The following STX8 variants were observed in gnomAD, a reference collection of about 807,000 sequenced individuals.
The protein encoded by STX8 is syntaxin-8.
A neutral mutation model predicts 37.5 loss-of-function variants in STX8; 23 were observed. That is an observed-to-expected ratio of 0.61 (90% CI 0.44 to 0.87). STX8 has a LOEUF of 0.87. Among genes scored for constraint, STX8 ranks in the 40% least tolerant of loss-of-function variants. STX8 has a pLI of 0.00. For missense variants in STX8, 313 were observed against 284.7 expected (o/e 1.10, Z -0.71); for synonymous variants, 115 against 99.1 (o/e 1.16, Z -0.95).
At chr17:9,364,682 C>G (rs549617116) in intron 7 of STX8, among the ~76,000 whole-genome samples, 1 of 151,992 alleles carries the variant, frequency 6.6e-6, no homozygotes, top group Non-Finnish European at 1.5e-5. Flanking sequence ...AGGTGCCCAC[C>G]ACCACGCTCA....
intron 6 of STX8, among the ~76,000 whole-genome samples, chr17:9,428,902 G>A (rs1913741499): frequency 6.6e-6 from 1 of 152,074 alleles, no homozygotes; most frequent in Admixed American, 6.6e-5. Flanking sequence ...CTATTCAGAG[G>A]CTCTGTTGAT....
intron 4 of STX8, among the ~76,000 whole-genome samples, chr17:9,542,885 C>T (rs918194795): frequency 2.0e-5 from 3 of 152,098 alleles, no homozygotes; most frequent in Non-Finnish European, 4.4e-5. Context: ...GCAAGTCACA[C>T]TGTAAAGGAC....
chr17:9,462,155 T>G (rs923871520), intron 6 of STX8, among the ~76,000 whole-genome samples: 2 of 151,998 alleles, frequency 1.3e-5, no homozygotes, highest in African/African-American at 4.8e-5. Flanking sequence ...GGTTAGAGAA[T>G]CAGGGGAACA....
chr17:9,508,779 G>A (rs568839907), intron 4 of STX8, among the ~76,000 whole-genome samples: 2 of 152,298 alleles, frequency 1.3e-5, no homozygotes, highest in East Asian at 3.9e-4. Context: ...AAAGAGAAAA[G>A]AAGGGCAAAT....
At position 9,263,338 on chromosome 17, in the gene STX8, G is replaced by A. The variant is rs189264902; in HGVS notation, c.644-12693C>T. On this transcript the variant is annotated intron_variant, in intron 7 of 7. Transcript: ENST00000306357. ...ACTAAAAATACAAAAAAATTAGCCG[G>A]GCATGGTGGCACATGCCTGTAATCC... Among the ~76,000 whole-genome samples the A allele has an allele frequency of 3.9e-4, 59 of 152,056 alleles. No homozygotes were observed. In the Middle Eastern group the frequency reaches 0.027, roughly 71 times the overall value.
chr17:9,340,634 T>C (rs1363708589), intron 7 of STX8, among the ~76,000 whole-genome samples: 1 of 145,994 alleles, frequency 6.8e-6, no homozygotes, highest in East Asian at 2.1e-4. Flanking sequence ...CTGTTTCTTA[T>C]CAATGTTGCA....
chr17:9,254,376 CCCT>C (rs1906707380), intron 7 of STX8, among the ~76,000 whole-genome samples: 1 of 152,116 alleles, frequency 6.6e-6, no homozygotes, highest in African/African-American at 2.4e-5. Flanking sequence ...CTCTTTGCCC[CCCT>C]AAGTTTCCAT....
chr17:9,557,354 G>T, intron 3 of STX8, 80 bp downstream of exon 3: 2 of 1,210,956 alleles, frequency 1.7e-6, no homozygotes. Context: ...AATCTGGGTG[G>T]CCCAGATTCC....
intron 6 of STX8, among the ~76,000 whole-genome samples, chr17:9,454,076 T>C (rs1905119161): frequency 1.3e-5 from 2 of 152,372 alleles, no homozygotes; most frequent in East Asian, 1.9e-4. Flanking sequence ...TTCTACATTA[T>C]ATATACATCA....
At chr17:9,446,712 A>G (rs541716490) in intron 6 of STX8, among the ~76,000 whole-genome samples, 1 of 152,344 alleles carries the variant, frequency 6.6e-6, no homozygotes, top group Admixed American at 6.5e-5. Flanking sequence ...TTCAGTGAAA[A>G]GGTTTGAGAT....
chr17:9,379,273 G>A (rs949799505), intron 6 of STX8, among the ~76,000 whole-genome samples: 5 of 149,388 alleles, frequency 3.3e-5, no homozygotes, highest in African/African-American at 4.9e-5. Context: ...AGGAACAGAC[G>A]GCACAGTAGA....
intron 7 of STX8, among the ~76,000 whole-genome samples, chr17:9,340,908 C>T (rs536061957): frequency 4.9e-3 from 729 of 149,878 alleles, no homozygotes; most frequent in Non-Finnish European, 8.0e-3. Flanking sequence ...CTGCCTGCCT[C>T]GGCCTCTCAA....
At chr17:9,369,886 CAAAAAAAAAAAAAA>C (rs60178482) in intron 7 of STX8, among the ~76,000 whole-genome samples, 861 of 52,194 alleles carry the variant, frequency 0.016, 29 homozygotes, top group African/African-American at 0.053. Context: ...GACCCTGTAC[CAAAAAAAAAAAAAA>C]AAAAAAAAAA....
chr17:9,252,378 A>G (rs1306739019), intron 7 of STX8, among the ~76,000 whole-genome samples: 1 of 151,772 alleles, frequency 6.6e-6, no homozygotes, highest in Non-Finnish European at 1.5e-5. Context: ...CGGGAGGCGG[A>G]GCTTGCAGTG....
Position 9,281,148 on chromosome 17 carries a change from A to AG in STX8, c.644-30504dup, listed in dbSNP as rs542841803. Among the ~76,000 whole-genome samples, 19 of 152,238 alleles carry AG rather than the reference A, an allele frequency of 1.2e-4. 1 individual carries two copies. The South Asian group carries it at 2.1e-3, about 17-fold the overall frequency. On this transcript the variant is annotated intron_variant, in intron 7 of 7. Transcript: ENST00000306357. ...GACTTCAACGTGGAGAATGGACTAGAGGGGGCAGAACTGGAACAGGAAGGC... is the reference window on the plus strand; with the variant it reads ...GACTTCAACGTGGAGAATGGACTAGAGGGGGGCAGAACTGGAACAGGAAGGC...
At chr17:9,311,064 G>A (rs553202576) in intron 7 of STX8, among the ~76,000 whole-genome samples, 3 of 151,992 alleles carry the variant, frequency 2.0e-5, no homozygotes, top group East Asian at 1.9e-4. Context: ...TGGTGAAACC[G>A]CATCTCTACT....
chr17:9,482,026 G>A (rs1279791717), intron 6 of STX8, among the ~76,000 whole-genome samples: 1 of 152,152 alleles, frequency 6.6e-6, no homozygotes, highest in African/African-American at 2.4e-5. Flanking sequence ...AATCTTCTAA[G>A]CCAGGCGTGG....
intron 7 of STX8, among the ~76,000 whole-genome samples, chr17:9,280,376 A>T (rs1907839384): frequency 6.6e-6 from 1 of 152,254 alleles, no homozygotes; most frequent in African/African-American, 2.4e-5. Context: ...TGACATCGTC[A>T]AACCCCGTTG....
At chr17:9,273,406 G>A (rs1384903217) in intron 7 of STX8, 2 of 152,390 alleles carry the variant, frequency 1.3e-5, no homozygotes, top group East Asian at 3.9e-4. Flanking sequence ...CCCCTCTGCA[G>A]GTTTAACTAA....
Sources: gnomAD v4.1 joint callset for allele counts (sites outside exome capture counted in the v4.1 genomes callset) on GRCh38, gnomAD v4.1.1 for gene constraint, MANE v1.5 for transcripts, NCBI Gene and HGNC (gene_info 2026-07-23, HGNC 2026-07-21) for gene names.